CEP120: variants seen among roughly 807,000 people sequenced by gnomAD.
CEP120 encodes the protein centrosomal protein 120, also known as centrosomal protein of 120 kDa.
A neutral mutation model predicts 126.5 loss-of-function variants in CEP120; 113 were observed. The observed-to-expected ratio is 0.89, with a 90% confidence interval of 0.77 to 1.04. The LOEUF (loss-of-function observed/expected upper bound fraction) is 1.04. Among genes scored for constraint, CEP120 ranks in the 50% least tolerant of loss-of-function variants. The pLI, the probability that CEP120 is intolerant of heterozygous loss-of-function variation, is 0.00. For synonymous variants in CEP120, 400 were observed against 394.3 expected, an observed-to-expected ratio of 1.01 and a Z score of -0.17; for missense variants, 1,230 against 1,155.7, an observed-to-expected ratio of 1.06 and a Z score of -0.93.
rs374869679 is a variant in CEP120 at position 123,385,067 on chromosome 5, C to T, written c.1647G>A (p.Ala549=). The part of the protein sequence containing the change: ...KMSKDLLLGI[A]RIQLSNILSS... ...ACAAGATGTTAGAAAGCTGGATTCTCGCAATTCCCAGAAGTAAATCTTTAC... is the reference window on the plus strand; with the variant it reads ...ACAAGATGTTAGAAAGCTGGATTCTTGCAATTCCCAGAAGTAAATCTTTAC... The change falls in exon 11 of 20, where the codon GCG becomes GCA. Residue 549 remains alanine (A), a synonymous_variant. Transcript: ENST00000306467. 17 of 1,613,584 alleles carry T rather than the reference C, an allele frequency of 1.1e-5. No individual in the cohort carries two copies. Among genetic ancestry groups the T allele is most frequent in the South Asian group, 2.2e-5 (2 of 91,060 alleles).
At position 123,390,026 on chromosome 5, in the gene CEP120, G is replaced by A. The variant is rs747131868; in HGVS notation, c.1153C>T (p.Pro385Ser). 18 of 1,613,848 alleles carry A rather than the reference G, an allele frequency of 1.1e-5. No individual in the cohort carries two copies. The change falls in exon 8 of 20, where the codon CCT (proline) becomes TCT (serine). Residue 385 changes from proline to serine, a missense_variant. Coordinates refer to ENST00000306467, the MANE Select transcript of CEP120 (RefSeq NM_001375405.1). The part of the protein sequence containing the change: ...LTGPKSPTVS[P>S]VPSHNQSPPT... Reference sequence around the variant, plus strand: ...GGTGACTGGTTGTGAGATGGAACAGGGGACACTGTTGGTGATTTTGGCCCA... The same window carrying A: ...GGTGACTGGTTGTGAGATGGAACAGAGGACACTGTTGGTGATTTTGGCCCA...
intron 4 of CEP120, among the ~76,000 whole-genome samples, chr5:123,400,510 G>A (rs962724163): frequency 2.0e-5 from 3 of 151,868 alleles, no homozygotes; most frequent in South Asian, 2.1e-4. Flanking sequence ...AGAATCTTGC[G>A]GTGCTGGAAT....
At chr5:123,384,507 A>G (rs1005681309) in intron 11 of CEP120, among the ~76,000 whole-genome samples, 2 of 152,184 alleles carry the variant, frequency 1.3e-5, no homozygotes, top group African/African-American at 2.4e-5. Flanking sequence ...TGACTGCCAA[A>G]TATCTATAAT....
At chr5:123,412,744 T>TA (rs1166764278) in intron 3 of CEP120, among the ~76,000 whole-genome samples, 2 of 152,190 alleles carry the variant, frequency 1.3e-5, no homozygotes, top group Non-Finnish European at 2.9e-5. Context: ...CGTAGAAATT[T>TA]AAATTGTTTT....
Position 123,399,261 on chromosome 5 carries a change from C to T in CEP120, c.487G>A (p.Asp163Asn), listed in dbSNP as rs1199961445. The T allele has an allele frequency of 1.2e-6, 2 of 1,613,996 alleles. No homozygotes were observed. The highest frequency in any genetic ancestry group is 2.7e-5 in the African/African-American group (2 of 74,916). Residue 163 changes from aspartate to asparagine, a missense_variant, in exon 5 of 20, where the codon GAC (aspartate) becomes AAC (asparagine). Asp to Asn is a conservative substitution (Grantham distance 23). Coordinates refer to ENST00000306467, the MANE Select transcript of CEP120 (RefSeq NM_001375405.1). ...AGCACAGCCACAATGTCCCTGGGGT[C>T]AAGTCCAGCCAGGATGGCAGGTACT... is the stretch of plus-strand genomic sequence containing the variant. The part of the protein sequence containing the change: ...GKVPAILAGL[D>N]PRDIVAVLNE...
chr5:123,360,543 C>T (rs1337236599), intron 18 of CEP120, among the ~76,000 whole-genome samples: 2 of 150,780 alleles, frequency 1.3e-5, no homozygotes, highest in Non-Finnish European at 3.0e-5. Flanking sequence ...AGAATTGAAC[C>T]AGTAATTTAA....
chr5:123,394,509 C>T (rs996079962), intron 5 of CEP120, among the ~76,000 whole-genome samples: 1 of 152,156 alleles, frequency 6.6e-6, no homozygotes, highest in East Asian at 1.9e-4. Context: ...CTCACTTGCC[C>T]GCTGCTCACC....
chr5:123,347,825 ATATT>A (rs1359166121), intron 19 of CEP120, among the ~76,000 whole-genome samples: 2 of 151,894 alleles, frequency 1.3e-5, no homozygotes, highest in Non-Finnish European at 2.9e-5. Context: ...TTGTATATAT[ATATT>A]GTTTTTAGAG....
intron 2 of CEP120, 124 bp downstream of exon 2, chr5:123,418,235 G>T: frequency 3.8e-6 from 3 of 788,028 alleles, no homozygotes; most frequent in Non-Finnish European, 3.7e-6. Context: ...CTTTGATTAT[G>T]CAGATATTCC....
intron 17 of CEP120, 54 bp from the exon 18 acceptor site, chr5:123,364,648 A>T: frequency 1.0e-6 from 1 of 1,002,530 alleles, no homozygotes. Context: ...GTGTACAACC[A>T]CTGAAAGATA....
At chr5:123,379,503 T>C (rs1771496198) in intron 14 of CEP120, among the ~76,000 whole-genome samples, 1 of 152,090 alleles carries the variant, frequency 6.6e-6, no homozygotes, top group South Asian at 2.1e-4. Flanking sequence ...CAGAAAATGA[T>C]TTAATTATTT....
chr5:123,377,355 G>A lies in CEP120; in HGVS notation c.2358+19C>T. On this transcript the variant is annotated intron_variant, in intron 16 of 19. Transcript: ENST00000306467. ...GCAAATAAACTAAGCATAAAAAGATGACAAGTACGTTATCCAACCTGTTGC... is the reference window on the plus strand; with the variant it reads ...GCAAATAAACTAAGCATAAAAAGATAACAAGTACGTTATCCAACCTGTTGC... 2 of 1,597,258 alleles carry A rather than the reference G, an allele frequency of 1.3e-6. No homozygotes were observed. The highest frequency in any genetic ancestry group is 1.8e-5 in the Admixed American group (1 of 54,832).
At chr5:123,379,061 CA>C (rs1034657598) in intron 14 of CEP120, among the ~76,000 whole-genome samples, 8 of 151,842 alleles carry the variant, frequency 5.3e-5, no homozygotes, top group Non-Finnish European at 1.0e-4. Context: ...TCAAAGAAGC[CA>C]AATAGAGGAA....
At position 123,390,026 on chromosome 5, in the gene CEP120, G is replaced by C. The variant is rs747131868; in HGVS notation, c.1153C>G (p.Pro385Ala). The C allele has an allele frequency of 2.5e-6, 4 of 1,613,964 alleles. No homozygotes were observed. The highest frequency in any genetic ancestry group is 3.4e-6 in the Non-Finnish European group (4 of 1,179,920). ...GGTGACTGGTTGTGAGATGGAACAG[G>C]GGACACTGTTGGTGATTTTGGCCCA... is the stretch of plus-strand genomic sequence containing the variant. The part of the protein sequence containing the change: ...LTGPKSPTVS[P>A]VPSHNQSPPT... Residue 385 changes from proline (P) to alanine (A), a missense_variant, in exon 8 of 20, where the codon CCT becomes GCT. By Grantham distance (27) the Pro-to-Ala change is conservative. Coordinates refer to ENST00000306467, the MANE Select transcript of CEP120 (RefSeq NM_001375405.1).
At position 123,399,277 on chromosome 5, in the gene CEP120, G is replaced by A; in HGVS notation, c.471C>T (p.Ala157=). The A allele has an allele frequency of 6.2e-7, 1 of 1,613,910 alleles. No individual in the cohort carries two copies. Among genetic ancestry groups the A allele is most frequent in the Non-Finnish European group, 8.5e-7 (1 of 1,179,890 alleles). ...GAPPRDGKVP[A]ILAGLDPRDI... ...CCCTGGGGTCAAGTCCAGCCAGGATGGCAGGTACTTTACAGAGAAAAACAC... is the reference window on the plus strand; with the variant it reads ...CCCTGGGGTCAAGTCCAGCCAGGATAGCAGGTACTTTACAGAGAAAAACAC... Residue 157 remains alanine, a synonymous_variant, in exon 5 of 20, where the codon GCC becomes GCT. Transcript: ENST00000306467.
rs1473398606 is a variant in CEP120, at chr5:123,393,340, T to G, written c.770A>C (p.Glu257Ala). ...AAGAGCCAGGTAAACACGAAGAATT[T>G]CTACACTGCTACGGATGCGAACTGA... ...RASVRIRSSV[E>A]ILRVYLALQS... The change falls in exon 6 of 20, where the codon GAA becomes GCA. Residue 257 changes from glutamate (E) to alanine (A), a missense_variant. Glu to Ala is a moderately radical substitution (Grantham distance 107). Transcript: ENST00000306467. 3 of 1,614,034 alleles carry G rather than the reference T, an allele frequency of 1.9e-6. No individual in the cohort carries two copies. The highest frequency in any genetic ancestry group is 2.5e-6 in the Non-Finnish European group (3 of 1,180,026).
In CEP120 at chr5:123,401,177, G is replaced by A. The variant is rs900371076; in HGVS notation, c.464-1893C>T. The A allele has an allele frequency of 1.5e-4, 243 of 1,611,842 alleles. 1 individual carries two copies. The highest frequency in any genetic ancestry group is 4.3e-5 in the Non-Finnish European group (51 of 1,178,256). On this transcript the variant is annotated intron_variant, in intron 4 of 19. Coordinates refer to ENST00000306467, the MANE Select transcript of CEP120 (RefSeq NM_001375405.1). The stretch of plus-strand genomic sequence containing the variant: ...CGCCCTCCAGCAGCTTCTTGTAGGT[G>A]GCGATCTCGATGTCCAGGGCCAGCC...
intron 4 of CEP120, chr5:123,401,216 C>T: frequency 6.2e-7 from 1 of 1,612,822 alleles, no homozygotes; most frequent in South Asian, 1.1e-5. Flanking sequence ...CGTTCATCAG[C>T]TCCTGGTACT....
In CEP120 at chr5:123,423,121, C is replaced by T. The variant is rs949529444; in HGVS notation, c.-123G>A. On this transcript the variant is annotated 5_prime_UTR_variant, in exon 1 of 20. Transcript: ENST00000306467. ...CCGCCCCCGGTCCCTGATGCCCGGACCCCGCTCCGCAGCCAGGTCCCACCG... is the reference window on the plus strand; with the variant it reads ...CCGCCCCCGGTCCCTGATGCCCGGATCCCGCTCCGCAGCCAGGTCCCACCG... The T allele has an allele frequency of 1.8e-5, 14 of 781,236 alleles. 1 individual carries two copies. The highest frequency in any genetic ancestry group is 8.5e-5 in the Admixed American group (4 of 47,170). The allele number at this position is 781,236 out of a possible 1,614,324, so 48.4% of individuals were successfully genotyped here.
Sources: gnomAD v4.1 joint callset for allele counts (sites outside exome capture counted in the v4.1 genomes callset) on GRCh38, gnomAD v4.1.1 for gene constraint, MANE v1.5 for transcripts, NCBI Gene and HGNC (gene_info 2026-07-23, HGNC 2026-07-21) for gene names.